Variants in RAP1GAP2 observed in about 807,000 individuals in gnomAD.
The protein encoded by RAP1GAP2 is rap1 GTPase-activating protein 2.
Under a neutral mutation model 95.0 loss-of-function variants are expected in RAP1GAP2, and 27 were observed. That is an observed-to-expected ratio of 0.28 (90% CI 0.21 to 0.39). The LOEUF (loss-of-function observed/expected upper bound fraction) is 0.39. Among genes scored for constraint, RAP1GAP2 ranks in the 10% least tolerant of loss-of-function variants. The pLI, the probability that RAP1GAP2 is intolerant of heterozygous loss-of-function variation, is 1.00. For synonymous variants in RAP1GAP2, 373 were observed against 380.9 expected (o/e 0.98, Z 0.24); for missense variants, 771 against 970.0 (o/e 0.79, Z 2.72).
intron 3 of RAP1GAP2, among the ~76,000 whole-genome samples, chr17:2,927,398 C>T (rs571867773): frequency 6.6e-6 from 1 of 152,284 alleles, no homozygotes; most frequent in South Asian, 2.1e-4. Context: ...CGTGATCCGC[C>T]CGCCTTGGCC....
chr17:2,792,985 G>A (rs1316194420), upstream of RAP1GAP2, among the ~76,000 whole-genome samples: 2 of 152,152 alleles, frequency 1.3e-5, no homozygotes, highest in Non-Finnish European at 2.9e-5. Context: ...TGCATGCGGC[G>A]GGCAGCTTTC....
intron 8 of RAP1GAP2, among the ~76,000 whole-genome samples, chr17:2,973,201 G>T (rs943684162): frequency 7.9e-5 from 12 of 152,178 alleles, no homozygotes; most frequent in Non-Finnish European, 1.6e-4. Flanking sequence ...AGAAGGTCAT[G>T]ATCAGATTTG....
rs544231682 is a variant in RAP1GAP2, at chr17:2,871,280, A to T, written c.81-34004A>T. 1.3e-5 allele frequency among the ~76,000 whole-genome samples: 2 copies of T among 152,330 alleles called. No individual in the cohort carries two copies. The highest frequency in any genetic ancestry group is 4.1e-4 in the South Asian group (2 of 4,830). The stretch of plus-strand genomic sequence containing the variant: ...CAAGGGCTAAACATTTTAATGGCTG[A>T]ATTTCCCCCAGAGAGGAAGGAAAGC... On this transcript the variant is annotated intron_variant, in intron 2 of 24. Coordinates refer to ENST00000254695, the MANE Select transcript of RAP1GAP2 (RefSeq NM_015085.5). This position sits in a 1 kb window ranked among gnomAD's most constrained non-coding sequence, Gnocchi z 5.0.
At chr17:2,899,395 T>C (rs1490639816) in intron 2 of RAP1GAP2, among the ~76,000 whole-genome samples, 1 of 152,084 alleles carries the variant, frequency 6.6e-6, no homozygotes, top group Admixed American at 6.6e-5. Context: ...TTTTTTTTAG[T>C]AGAGACGGGG....
At chr17:2,854,738 A>G (rs983008700) in intron 2 of RAP1GAP2, among the ~76,000 whole-genome samples, 5 of 152,180 alleles carry the variant, frequency 3.3e-5, no homozygotes, top group African/African-American at 1.2e-4. Flanking sequence ...TGGAGTAGGC[A>G]AAGGAGGTTC....
At chr17:2,762,451 G>A (rs542014111) in intron 1 of RAP1GAP2, among the ~76,000 whole-genome samples, 1 of 144,356 alleles carries the variant, frequency 6.9e-6, no homozygotes, top group East Asian at 2.1e-4. Context: ...AGGCTGGAGT[G>A]CAGTGGCACG....
At position 3,018,483 on chromosome 17, in the gene RAP1GAP2, G is replaced by A. The variant is rs551856034; in HGVS notation, c.1632+285G>A. On this transcript the variant is annotated intron_variant, in intron 18 of 24. Coordinates refer to ENST00000254695, the MANE Select transcript of RAP1GAP2 (RefSeq NM_015085.5). ...TCCTTGACAGCTAGACCTCCTCCTC[G>A]GGGCCAGCCCTGCAGTGTGGTCCTG... 7.9e-5 allele frequency among the ~76,000 whole-genome samples: 12 copies of A among 152,238 alleles called. No individual in the cohort carries two copies. The South Asian group carries it at 2.3e-3, about 29-fold the overall frequency.
chr17:2,784,785 G>C (rs1246299099), intron 1 of RAP1GAP2, among the ~76,000 whole-genome samples: 1 of 152,156 alleles, frequency 6.6e-6, no homozygotes, highest in Non-Finnish European at 1.5e-5. Context: ...TCTCATTACA[G>C]GTCAGCCCTG....
At chr17:2,911,834 C>A (rs1381574714) in intron 3 of RAP1GAP2, among the ~76,000 whole-genome samples, 1 of 152,166 alleles carries the variant, frequency 6.6e-6, no homozygotes, top group Non-Finnish European at 1.5e-5. Flanking sequence ...TCTCTCGACG[C>A]TCATGGGAAG....
chr17:2,861,478 T>C (rs907330584), intron 2 of RAP1GAP2, among the ~76,000 whole-genome samples: 1 of 100,296 alleles, frequency 1.0e-5, no homozygotes, highest in Non-Finnish European at 2.0e-5. Context: ...CTCTGGGGTC[T>C]TTTTTTTTTT....
intron 1 of RAP1GAP2, among the ~76,000 whole-genome samples, chr17:2,789,802 A>AG (rs2068878793): frequency 6.7e-6 from 1 of 148,894 alleles, no homozygotes; most frequent in African/African-American, 2.5e-5. Context: ...AAAAAAAAAA[A>AG]GTAAATAAAT....
rs79319056 is a variant in RAP1GAP2 at position 2,902,699 on chromosome 17, A to G, written c.81-2585A>G. ...GAAATCCTTCTGGTCAGAAGCTGCC[A>G]TGTGCTCCGACTTGAGAGTCTGCCT... On this transcript the variant is annotated intron_variant, in intron 2 of 24. Transcript: ENST00000254695. The surrounding 1 kb of genome is among the most constrained non-coding windows in gnomAD (Gnocchi z 4.1). 0.029 allele frequency among the ~76,000 whole-genome samples: 4,379 copies of G among 152,178 alleles called. 144 individuals carry two copies. Among genetic ancestry groups the G allele is most frequent in the African/African-American group, 0.082 (3,406 of 41,508 alleles).
At position 2,760,110 on chromosome 17, in the gene RAP1GAP2, G is replaced by A. The variant is rs369422239; in HGVS notation, c.50+4343G>A. On this transcript the variant is annotated intron_variant, in intron 1 of 25. Coordinates refer to the RAP1GAP2 transcript ENST00000637138. Reference sequence around the variant, plus strand: ...TCTCTTGGACCATCCTGGCTAACACGGTGAAACCCCGTCTCTACCAAAAAT... The same window carrying A: ...TCTCTTGGACCATCCTGGCTAACACAGTGAAACCCCGTCTCTACCAAAAAT... 4.0e-5 allele frequency among the ~76,000 whole-genome samples: 6 copies of A among 151,422 alleles called. No individual in the cohort carries two copies. The South Asian group carries it at 6.2e-4, about 16-fold the overall frequency.
At chr17:2,800,196 G>A (rs145336379) in intron 1 of RAP1GAP2, 1 of 985,310 alleles carries the variant, frequency 1.0e-6, no homozygotes, top group Admixed American at 6.2e-5. Context: ...CATACAAAGT[G>A]CTTACGATCC....
At position 2,797,886 on chromosome 17, in the gene RAP1GAP2, T is replaced by C; in HGVS notation, c.44+1315T>C. ...TGCAGGGCAGGGCCCAGCAATTAGA[T>C]TGTGCCCTCCAAGGCCCGCCTTTCT... On this transcript the variant is annotated intron_variant, in intron 1 of 24. Transcript: ENST00000254695. This position sits in a 1 kb window ranked among gnomAD's most constrained non-coding sequence, Gnocchi z 5.6. The C allele has an allele frequency of 1.4e-6, 1 of 726,186 alleles. No individual in the cohort carries two copies. Among genetic ancestry groups the C allele is most frequent in the African/African-American group, 1.9e-5 (1 of 52,034 alleles). 45.0% of individuals were successfully genotyped at this position (726,186 alleles called of 1,614,324 possible). A position where few individuals can be genotyped will look rare whatever the true frequency, so the allele number is the denominator to read the frequency against.
intron 1 of RAP1GAP2, among the ~76,000 whole-genome samples, chr17:2,763,717 A>G (rs1352513829): frequency 6.6e-6 from 1 of 151,474 alleles, no homozygotes; most frequent in East Asian, 1.9e-4. Context: ...AGAATAAAGA[A>G]TAAAAGAAAA....
At chr17:2,979,337 A>G (rs1039367989) in intron 8 of RAP1GAP2, among the ~76,000 whole-genome samples, 4 of 152,158 alleles carry the variant, frequency 2.6e-5, no homozygotes, top group East Asian at 1.9e-4. Context: ...ACCCAAATAT[A>G]TCCAGAAGCT....
At chr17:2,849,276 C>T (rs868095897) in intron 2 of RAP1GAP2, among the ~76,000 whole-genome samples, 64 of 152,244 alleles carry the variant, frequency 4.2e-4, no homozygotes, top group African/African-American at 1.5e-3. Flanking sequence ...GCCCCCCTCG[C>T]CCCCACCCAC....
intron 3 of RAP1GAP2, among the ~76,000 whole-genome samples, chr17:2,947,908 C>T (rs576350173): frequency 6.6e-6 from 1 of 152,132 alleles, no homozygotes; most frequent in Non-Finnish European, 1.5e-5. Flanking sequence ...TGCTTCTCCC[C>T]CCAGCACTTT....
Sources: allele counts gnomAD v4.1 joint callset (sites outside exome capture counted in the v4.1 genomes callset), GRCh38; gene constraint gnomAD v4.1.1; non-coding constraint Gnocchi (gnomAD v3.1); transcripts MANE v1.5; gene names NCBI Gene and HGNC (gene_info 2026-07-23, HGNC 2026-07-21).